ARHGAP28: variants seen among roughly 807,000 people sequenced by gnomAD.
ARHGAP28 encodes the protein rho GTPase-activating protein 28.
Under a neutral mutation model 90.7 loss-of-function variants are expected in ARHGAP28, and 56 were observed. That is an observed-to-expected ratio of 0.62 (90% CI 0.50 to 0.77). The LOEUF is 0.77. Among genes scored for constraint, ARHGAP28 ranks in the 30% least tolerant of loss-of-function variants. ARHGAP28 has a pLI of 0.00. For synonymous variants in ARHGAP28, 308 were observed against 323.3 expected, an observed-to-expected ratio of 0.95 and a Z score of 0.51; for missense variants, 869 against 900.9, an observed-to-expected ratio of 0.96 and a Z score of 0.45.
chr18:6,794,489 A>T (rs1001159838), intron 1 of ARHGAP28, among the ~76,000 whole-genome samples: 1 of 152,208 alleles, frequency 6.6e-6, no homozygotes, highest in Non-Finnish European at 1.5e-5. Flanking sequence ...AACAATGCGC[A>T]TTACTGCTCT....
chr18:6,858,946 G>C (rs1030046723), intron 4 of ARHGAP28, among the ~76,000 whole-genome samples: 1 of 151,654 alleles, frequency 6.6e-6, no homozygotes, highest in Non-Finnish European at 1.5e-5. Flanking sequence ...ATATAGTCAA[G>C]CAAAATACAT....
chr18:6,897,332 A>G (rs1009669432), intron 16 of ARHGAP28: 2 of 152,254 alleles, frequency 1.3e-5, no homozygotes, highest in Non-Finnish European at 2.9e-5. Context: ...TGTATCAGAT[A>G]GACATTATGT....
rs1243205570 is a variant in ARHGAP28 at position 6,914,516 on chromosome 18, C to A, written c.*2362C>A. The A allele has an allele frequency of 6.6e-6, 1 of 152,138 alleles. No homozygotes were observed. Among genetic ancestry groups the A allele is most frequent in the African/African-American group, 2.4e-5 (1 of 41,534 alleles). 9.4% of individuals were successfully genotyped at this position (152,138 alleles called of 1,614,324 possible). ...GAGGTTCTTTTGACCAATTTTATTC[C>A]TAAGAATAAACAAACCCCTACAGTT... On this transcript the variant is annotated 3_prime_UTR_variant, in exon 18 of 18. Coordinates refer to ENST00000383472, the MANE Select transcript of ARHGAP28 (RefSeq NM_001366230.1).
At chr18:6,909,579 C>T (rs1019140857) in intron 17 of ARHGAP28, among the ~76,000 whole-genome samples, 3 of 152,044 alleles carry the variant, frequency 2.0e-5, no homozygotes, top group Non-Finnish European at 2.9e-5. Context: ...AGGTGTGAGC[C>T]ACTGCGCCTG....
chr18:6,889,797 C>A, intron 12 of ARHGAP28, 91 bp from the exon 13 acceptor site: 1 of 1,194,562 alleles, frequency 8.4e-7, no homozygotes, highest in Non-Finnish European at 1.2e-6. Context: ...AGTTCTCTGG[C>A]AGCAGAGTGA....
intron 1 of ARHGAP28, among the ~76,000 whole-genome samples, chr18:6,813,060 T>C (rs986332813): frequency 6.6e-6 from 1 of 152,230 alleles, no homozygotes; most frequent in Non-Finnish European, 1.5e-5. Flanking sequence ...TTATTGTCGA[T>C]GTGAATAATA....
chr18:6,913,408 C>T lies in ARHGAP28; in HGVS notation c.*1254C>T, dbSNP rs2057409090. ...TAGCTGGAAATGGGGACAGAGTTCT[C>T]ATTTATCCCAGATATATACATTGGC... On this transcript the variant is annotated 3_prime_UTR_variant, in exon 18 of 18. Transcript: ENST00000383472. 1 of 152,144 alleles carries T rather than the reference C, an allele frequency of 6.6e-6. No individual in the cohort carries two copies. Among genetic ancestry groups the T allele is most frequent in the African/African-American group, 2.4e-5 (1 of 41,432 alleles). 9.4% of individuals were successfully genotyped at this position (152,144 alleles called of 1,614,324 possible).
At chr18:6,869,591 A>C (rs1266582229) in intron 6 of ARHGAP28, among the ~76,000 whole-genome samples, 1 of 151,892 alleles carries the variant, frequency 6.6e-6, no homozygotes, top group Non-Finnish European at 1.5e-5. Context: ...TTCTCGCTGC[A>C]CTCATTTATT....
chr18:6,729,948 C>A lies in ARHGAP28; in HGVS notation c.122+5C>A. The A allele has an allele frequency of 7.3e-7, 1 of 1,361,600 alleles. No individual in the cohort carries two copies. Among genetic ancestry groups the A allele is most frequent in the Non-Finnish European group, 9.4e-7 (1 of 1,062,016 alleles). The allele number at this position is 1,361,600 out of a possible 1,614,324, so 84.3% of individuals were successfully genotyped here. On this transcript the variant is annotated splice_donor_5th_base_variant and intron_variant, in intron 1 of 17. Transcript: ENST00000383472. The stretch of plus-strand genomic sequence containing the variant: ...AGCCAGCCACCCGCTCAGCAGGTAC[C>A]CGGAGCCGCTCCCACCAGGGCGGCG...
chr18:6,911,994 CAT>C (rs1347950599), intron 17 of ARHGAP28, 64 bp from the exon 18 acceptor site: 29 of 994,504 alleles, frequency 2.9e-5, no homozygotes, highest in Admixed American at 1.8e-4. Flanking sequence ...CACACAGACA[CAT>C]ATGTGTGCGC....
chr18:6,911,017 C>T (rs888123559), intron 17 of ARHGAP28, among the ~76,000 whole-genome samples: 2 of 151,920 alleles, frequency 1.3e-5, no homozygotes, highest in Admixed American at 1.3e-4. Context: ...GCTAATTTTG[C>T]TAGAGATGGG....
intron 17 of ARHGAP28, among the ~76,000 whole-genome samples, chr18:6,910,657 C>T (rs113731691): frequency 6.6e-5 from 10 of 152,020 alleles, no homozygotes; most frequent in Non-Finnish European, 1.3e-4. Context: ...CTCTCATGTT[C>T]TTATCACCAG....
chr18:6,876,629 T>A (rs2057133170), intron 10 of ARHGAP28, among the ~76,000 whole-genome samples: 1 of 152,200 alleles, frequency 6.6e-6, no homozygotes, highest in African/African-American at 2.4e-5. Context: ...TAAGCCAATG[T>A]TATATGAGTC....
At chr18:6,904,833 C>T (rs1370039787) in intron 16 of ARHGAP28, among the ~76,000 whole-genome samples, 1 of 152,016 alleles carries the variant, frequency 6.6e-6, no homozygotes, top group African/African-American at 2.4e-5. Flanking sequence ...TAGAATGGAC[C>T]AATTCCTCAA....
At position 6,873,416 on chromosome 18, in the gene ARHGAP28, A is replaced by G. The variant is rs200517537; in HGVS notation, c.962A>G (p.Asn321Ser). 7 of 1,598,664 alleles carry G rather than the reference A, an allele frequency of 4.4e-6. No homozygotes were observed. The highest frequency in any genetic ancestry group is 2.7e-5 in the African/African-American group (2 of 73,852). Residue 321 changes from asparagine to serine, a missense_variant, in exon 8 of 18, where the codon AAT (asparagine) becomes AGT (serine). Coordinates refer to ENST00000383472, the MANE Select transcript of ARHGAP28 (RefSeq NM_001366230.1). ...CTTCACTGTGTGTTTTAGAAATTTA[A>G]TGTTCAGAAAACCAGATTTGGCTTA... ...KKEDYVLTKF[N>S]VQKTRFGLTE...
At chr18:6,850,745 A>G in intron 3 of ARHGAP28, 1 of 1,434,322 alleles carries the variant, frequency 7.0e-7, no homozygotes. Flanking sequence ...CTTGGAGCAA[A>G]ATCATGATAT....
chr18:6,912,180 T>C lies in ARHGAP28; in HGVS notation c.*26T>C. The C allele has an allele frequency of 2.2e-6, 3 of 1,362,418 alleles. No individual in the cohort carries two copies. Among genetic ancestry groups the C allele is most frequent in the Non-Finnish European group, 3.1e-6 (3 of 968,732 alleles). 84.4% of individuals were successfully genotyped at this position (1,362,418 alleles called of 1,614,324 possible). A position where few individuals can be genotyped will look rare whatever the true frequency, so the allele number is the denominator to read the frequency against. On this transcript the variant is annotated 3_prime_UTR_variant, in exon 18 of 18. Transcript: ENST00000383472. Reference sequence around the variant, plus strand: ...AATATCCTCGAGAGAGCTGCTATCATGTATTATATGCCAAAAAGATCCTAC... The same window carrying C: ...AATATCCTCGAGAGAGCTGCTATCACGTATTATATGCCAAAAAGATCCTAC...
At chr18:6,887,323 T>A in intron 12 of ARHGAP28, 84 bp downstream of exon 12, 1 of 1,331,068 alleles carries the variant, frequency 7.5e-7, no homozygotes, top group Non-Finnish European at 1.1e-6. Flanking sequence ...AAAGTGGAGA[T>A]GACAGCTCAC....
At chr18:6,786,266 T>C (rs909188679) in intron 1 of ARHGAP28, among the ~76,000 whole-genome samples, 3 of 152,232 alleles carry the variant, frequency 2.0e-5, no homozygotes, top group African/African-American at 7.2e-5. Context: ...TTCTATTTTA[T>C]TTTTCCTTTT....
Sources: allele counts gnomAD v4.1 joint callset (sites outside exome capture counted in the v4.1 genomes callset), GRCh38; gene constraint gnomAD v4.1.1; transcripts MANE v1.5; gene names NCBI Gene and HGNC (gene_info 2026-07-23, HGNC 2026-07-21).